GPC5: variants seen among roughly 807,000 people sequenced by gnomAD.
The protein encoded by GPC5 is glypican 5, also known as glypican-5.
GPC5 carries 47 observed loss-of-function variants against 53.9 expected under a neutral mutation model. The ratio of observed to expected loss-of-function variants is 0.87; its 90% CI spans 0.69 to 1.11. The LOEUF is 1.11. GPC5 is among the 50% of genes most tolerant of loss of function. GPC5 has a pLI of 0.00. For missense variants in GPC5, 748 were observed against 713.1 expected, an observed-to-expected ratio of 1.05 and a Z score of -0.56; for synonymous variants, 286 against 263.3, an observed-to-expected ratio of 1.09 and a Z score of -0.84.
At chr13:92,494,730 T>A (rs9556185) in intron 7 of GPC5, among the ~76,000 whole-genome samples, 89,168 of 151,888 alleles carry the variant, frequency 0.59, 26,842 homozygotes, top group East Asian at 0.75. Context: ...TTCTCACTGG[T>A]AAAAAAGCTT....
chr13:91,596,405 T>G (rs2032996391), intron 2 of GPC5, among the ~76,000 whole-genome samples: 1 of 152,244 alleles, frequency 6.6e-6, no homozygotes, highest in Non-Finnish European at 1.5e-5. Context: ...TTGTTAGGTT[T>G]AAATCTATTA....
intron 6 of GPC5, among the ~76,000 whole-genome samples, chr13:92,071,460 G>A (rs953858888): frequency 4.6e-5 from 7 of 151,878 alleles, no homozygotes; most frequent in Admixed American, 2.0e-4. Flanking sequence ...ATTATTTTAA[G>A]GTATACATAA....
chr13:91,834,531 C>T (rs1220175033), intron 5 of GPC5, among the ~76,000 whole-genome samples: 1 of 152,142 alleles, frequency 6.6e-6, no homozygotes, highest in East Asian at 1.9e-4. Flanking sequence ...CAGCATGGTA[C>T]TGGTACTAAA....
rs144676145 is a variant in GPC5 at position 92,399,018 on chromosome 13, T to A, written c.1561+254029T>A. Among the ~76,000 whole-genome samples, 656 of 152,336 alleles carry A rather than the reference T, an allele frequency of 4.3e-3. 5 individuals carry two copies. The highest frequency in any genetic ancestry group is 0.015 in the African/African-American group (617 of 41,572). On this transcript the variant is annotated intron_variant, in intron 7 of 7. Coordinates refer to ENST00000377067, the MANE Select transcript of GPC5 (RefSeq NM_004466.6). Reference sequence around the variant, plus strand: ...CTTCCCCAGCCTGTGTTTCATGATGTTACCTGATTAATCTTTCTAAACTAG... The same window carrying A: ...CTTCCCCAGCCTGTGTTTCATGATGATACCTGATTAATCTTTCTAAACTAG...
intron 6 of GPC5, among the ~76,000 whole-genome samples, chr13:92,135,824 G>T (rs1332261552): frequency 6.6e-6 from 1 of 152,110 alleles, no homozygotes. Flanking sequence ...AAATGACTTC[G>T]GTGTCTGGTC....
intron 2 of GPC5, among the ~76,000 whole-genome samples, chr13:91,476,819 T>G (rs1406498352): frequency 6.6e-6 from 1 of 152,130 alleles, no homozygotes; most frequent in East Asian, 1.9e-4. Flanking sequence ...ATGTACAGTA[T>G]TATCTACAAA....
intron 7 of GPC5, among the ~76,000 whole-genome samples, chr13:92,678,051 T>C (rs1228344080): frequency 6.6e-6 from 1 of 152,218 alleles, no homozygotes; most frequent in East Asian, 1.9e-4. Context: ...TCCAAATAAA[T>C]GTGTTTAGAG....
intron 7 of GPC5, among the ~76,000 whole-genome samples, chr13:92,794,961 T>C (rs1151469): frequency 6.6e-6 from 1 of 152,170 alleles, no homozygotes; most frequent in Non-Finnish European, 1.5e-5. Context: ...CATACTGCCC[T>C]AGGTAACTTA....
intron 7 of GPC5, among the ~76,000 whole-genome samples, chr13:92,758,570 A>T (rs1002791541): frequency 6.6e-6 from 1 of 152,190 alleles, no homozygotes; most frequent in Non-Finnish European, 1.5e-5. Context: ...ATTACAATTT[A>T]TCTGAACATA....
chr13:91,835,259 G>C (rs1440659545), intron 5 of GPC5, among the ~76,000 whole-genome samples: 1 of 152,188 alleles, frequency 6.6e-6, no homozygotes, highest in African/African-American at 2.4e-5. Flanking sequence ...AGCATGTGGA[G>C]AAATAGGAAC....
At chr13:91,523,730 C>G (rs1006997420) in intron 2 of GPC5, among the ~76,000 whole-genome samples, 4 of 152,104 alleles carry the variant, frequency 2.6e-5, no homozygotes, top group African/African-American at 9.7e-5. Context: ...TCATTATACA[C>G]CCACAAACAC....
At chr13:91,645,562 T>A (rs543996300) in intron 2 of GPC5, among the ~76,000 whole-genome samples, 1 of 152,360 alleles carries the variant, frequency 6.6e-6, no homozygotes, top group South Asian at 2.1e-4. Context: ...ATTTATGACC[T>A]CATTACAATT....
intron 1 of GPC5, among the ~76,000 whole-genome samples, chr13:91,427,744 G>A (rs1879155085): frequency 6.6e-6 from 1 of 152,116 alleles, no homozygotes; most frequent in Non-Finnish European, 1.5e-5. Context: ...GGAATTATAT[G>A]GTTTGGCTGT....
At chr13:92,044,639 T>C (rs2138829083) in intron 6 of GPC5, among the ~76,000 whole-genome samples, 1 of 152,356 alleles carries the variant, frequency 6.6e-6, no homozygotes, top group South Asian at 2.1e-4. Flanking sequence ...TGTCTGGCTC[T>C]GGCATGCCAG....
At chr13:92,720,958 T>G (rs888845334) in intron 7 of GPC5, among the ~76,000 whole-genome samples, 1 of 152,102 alleles carries the variant, frequency 6.6e-6, no homozygotes, top group Non-Finnish European at 1.5e-5. Context: ...TGTGGCAATT[T>G]CCTTTCTGGA....
chr13:92,743,724 C>T (rs1473757943), intron 7 of GPC5, among the ~76,000 whole-genome samples: 1 of 151,922 alleles, frequency 6.6e-6, no homozygotes, highest in Non-Finnish European at 1.5e-5. Flanking sequence ...CTGTGGGTTT[C>T]TCATAAATAG....
chr13:91,452,358 G>A (rs1317542903), intron 2 of GPC5, among the ~76,000 whole-genome samples: 2 of 152,128 alleles, frequency 1.3e-5, no homozygotes, highest in East Asian at 1.9e-4. Context: ...CATCCATGAA[G>A]TATTTTATAG....
chr13:91,469,095 C>A (rs1339647056), intron 2 of GPC5, among the ~76,000 whole-genome samples: 1 of 151,268 alleles, frequency 6.6e-6, no homozygotes, highest in Admixed American at 6.6e-5. Flanking sequence ...TCTTTTTATT[C>A]TCTTCTCTCT....
At chr13:91,586,599 A>C (rs2032605009) in intron 2 of GPC5, among the ~76,000 whole-genome samples, 1 of 100,882 alleles carries the variant, frequency 9.9e-6, no homozygotes, top group South Asian at 3.7e-4. Context: ...GAGGGAGAGG[A>C]AGTGCTACAT....
Sources: gnomAD v4.1 joint callset for allele counts (sites outside exome capture counted in the v4.1 genomes callset) on GRCh38, gnomAD v4.1.1 for gene constraint, MANE v1.5 for transcripts, NCBI Gene and HGNC (gene_info 2026-07-23, HGNC 2026-07-21) for gene names.